SLC27A2: variants seen among roughly 807,000 people sequenced by gnomAD.
SLC27A2 encodes the protein solute carrier family 27 member 2.
In SLC27A2, 54 loss-of-function variants were observed where a neutral mutation model predicts 60.0. The observed-to-expected ratio is 0.90, with a 90% CI of 0.72 to 1.13. The LOEUF is 1.13. Among genes scored for constraint, SLC27A2 ranks in the 50% most tolerant of loss-of-function variants. The pLI is 0.00. For synonymous variants in SLC27A2, 297 were observed against 297.6 expected (o/e 1.00, Z 0.02); for missense variants, 739 against 777.6 (o/e 0.95, Z 0.59).
At chr15:50,219,432 C>CT (rs1430198166) in intron 4 of SLC27A2, among the ~76,000 whole-genome samples, 2 of 151,362 alleles carry the variant, frequency 1.3e-5, no homozygotes, top group Admixed American at 1.3e-4. Flanking sequence ...GCTTTTTTTC[C>CT]TTTTTTCTTT....
At position 50,229,065 on chromosome 15, in the gene SLC27A2, A is replaced by T. The variant is rs1274844906; in HGVS notation, c.1555+23A>T. The T allele has an allele frequency of 8.4e-6, 12 of 1,437,060 alleles. No homozygotes were observed. In the South Asian group the frequency reaches 1.3e-4, roughly 15 times the overall value. The allele number at this position is 1,437,060 out of a possible 1,614,324, so 89.0% of individuals were successfully genotyped here. A position where few individuals can be genotyped will look rare whatever the true frequency, so the allele number is the denominator to read the frequency against. On this transcript the variant is annotated intron_variant, in intron 8 of 9. Coordinates refer to ENST00000267842, the MANE Select transcript of SLC27A2 (RefSeq NM_003645.4). ...CAGGTATATACAAGATATGATCTGT[A>T]CCTAACCCATAGAGTAACTGAACAT... is the stretch of plus-strand genomic sequence containing the variant.
intron 1 of SLC27A2, among the ~76,000 whole-genome samples, chr15:50,188,319 C>T (rs909777213): frequency 5.3e-5 from 8 of 151,966 alleles, no homozygotes; most frequent in East Asian, 1.9e-4. Flanking sequence ...AAGGATATTG[C>T]GATGTAAGAA....
rs981546320 is a variant in SLC27A2, at chr15:50,182,378, C to T, written c.-50C>T. On this transcript the variant is annotated 5_prime_UTR_variant, in exon 1 of 10. Coordinates refer to ENST00000267842, the MANE Select transcript of SLC27A2 (RefSeq NM_003645.4). ...GCCCGCCCAGTCGCCGCGCTGCACG[C>T]CCGGGGTGAACCCTCTGCCCTCGCT... 1 of 1,476,352 alleles carries T rather than the reference C, an allele frequency of 6.8e-7. No individual in the cohort carries two copies. Among genetic ancestry groups the T allele is most frequent in the Non-Finnish European group, 9.0e-7 (1 of 1,115,646 alleles). The allele number at this position is 1,476,352 out of a possible 1,614,324, so 91.5% of individuals were successfully genotyped here.
chr15:50,218,188 A>G lies in SLC27A2; in HGVS notation c.973-4777A>G, dbSNP rs572513620. Among the ~76,000 whole-genome samples the G allele has an allele frequency of 9.2e-5, 14 of 152,268 alleles. 1 individual carries two copies. The East Asian group carries it at 2.5e-3, about 27-fold the overall frequency. ...TAGTGTACTGTTTTAAAAGAAAAAA[A>G]GAATCAGACTTGAAAACTAAAATGA... On this transcript the variant is annotated intron_variant, in intron 4 of 9. Transcript: ENST00000267842.
At chr15:50,196,464 A>C (rs1037549680) in intron 1 of SLC27A2, among the ~76,000 whole-genome samples, 1 of 152,090 alleles carries the variant, frequency 6.6e-6, no homozygotes, top group Non-Finnish European at 1.5e-5. Flanking sequence ...GGAGCTCTAT[A>C]ACATTTATTG....
In SLC27A2 at chr15:50,216,610, GTATATATATATATATATATATATATATA is replaced by G. The variant is rs59683706; in HGVS notation, c.973-6336_973-6309del. On this transcript the variant is annotated intron_variant, in intron 4 of 9. Coordinates refer to ENST00000267842, the MANE Select transcript of SLC27A2 (RefSeq NM_003645.4). ...AAGAAACTGTGGTGTGTGTGTGTGTGTATATATATATATATATATATATATATATATATATATATATATATAGTATAGT... is the reference window on the plus strand; with the variant it reads ...AAGAAACTGTGGTGTGTGTGTGTGTGTATATATATATATATATAGTATAGT... Among the ~76,000 whole-genome samples, 20 of 66,484 alleles carry G rather than the reference GTATATATATATATATATATATATATATA, an allele frequency of 3.0e-4. 1 individual carries two copies. The highest frequency in any genetic ancestry group is 1.3e-3 in the Admixed American group (7 of 5,382). 43.6% of individuals were successfully genotyped at this position (66,484 alleles called of 152,430 possible). A position where few individuals can be genotyped will look rare whatever the true frequency, so the allele number is the denominator to read the frequency against.
chr15:50,182,604 C>G lies in SLC27A2; in HGVS notation c.177C>G (p.Phe59Leu), dbSNP rs141946591. The G allele has an allele frequency of 1.5e-5, 24 of 1,613,602 alleles. No individual in the cohort carries two copies. The highest frequency in any genetic ancestry group is 1.9e-5 in the Non-Finnish European group (22 of 1,179,778). ...CGGCGCGCACCATCCTGCGGGCGTT[C>G]CTGGAGAAAGCGCGCCAGACGCCAC... ...RRPARTILRA[F>L]LEKARQTPHK... The change falls in exon 1 of 10, where the codon TTC becomes TTG. Residue 59 changes from phenylalanine to leucine, a missense_variant. Coordinates refer to ENST00000267842, the MANE Select transcript of SLC27A2 (RefSeq NM_003645.4).
At chr15:50,220,219 A>C (rs954814463) in intron 4 of SLC27A2, among the ~76,000 whole-genome samples, 2 of 152,204 alleles carry the variant, frequency 1.3e-5, no homozygotes, top group African/African-American at 4.8e-5. Context: ...GAGGCTGGTC[A>C]GCTTCCCACA....
At chr15:50,234,758 A>T (rs2045339295) in intron 9 of SLC27A2, among the ~76,000 whole-genome samples, 1 of 150,808 alleles carries the variant, frequency 6.6e-6, no homozygotes, top group Non-Finnish European at 1.5e-5. Context: ...GGCCCAGTCT[A>T]AAAAAAAATA....
chr15:50,221,395 C>T (rs968179904), intron 4 of SLC27A2, among the ~76,000 whole-genome samples: 1 of 152,100 alleles, frequency 6.6e-6, no homozygotes, highest in Non-Finnish European at 1.5e-5. Flanking sequence ...CACCAGTGAC[C>T]AGCATCAGTC....
intron 9 of SLC27A2, among the ~76,000 whole-genome samples, chr15:50,234,840 C>A (rs1265832325): frequency 2.6e-5 from 4 of 152,162 alleles, no homozygotes; most frequent in Non-Finnish European, 5.9e-5. Context: ...GTTCATTCAG[C>A]AAGAGACTTA....
intron 5 of SLC27A2, among the ~76,000 whole-genome samples, chr15:50,225,140 A>G (rs1385336211): frequency 6.6e-6 from 1 of 152,250 alleles, no homozygotes. Flanking sequence ...TTTTTTAACA[A>G]GTACTAGCTG....
At chr15:50,223,790 G>A (rs948384886) in intron 5 of SLC27A2, among the ~76,000 whole-genome samples, 3 of 152,184 alleles carry the variant, frequency 2.0e-5, no homozygotes, top group Non-Finnish European at 4.4e-5. Context: ...CAACAATTCT[G>A]CAAATATCCA....
intron 1 of SLC27A2, among the ~76,000 whole-genome samples, chr15:50,193,486 A>G (rs558635710): frequency 5.3e-5 from 8 of 152,306 alleles, no homozygotes; most frequent in African/African-American, 1.9e-4. Flanking sequence ...TAACTTATGA[A>G]CGGATTGTTT....
chr15:50,207,517 C>T (rs911081958), intron 4 of SLC27A2, among the ~76,000 whole-genome samples: 4 of 151,934 alleles, frequency 2.6e-5, no homozygotes, highest in Non-Finnish European at 5.9e-5. Flanking sequence ...AGTCCAGGCA[C>T]GGTGGCTCAT....
chr15:50,229,285 C>G (rs904568006), intron 8 of SLC27A2, among the ~76,000 whole-genome samples: 1 of 152,192 alleles, frequency 6.6e-6, no homozygotes, highest in Non-Finnish European at 1.5e-5. Context: ...CAAACAAAGT[C>G]TCAAATATGG....
intron 4 of SLC27A2, among the ~76,000 whole-genome samples, chr15:50,208,897 G>A (rs2045133733): frequency 6.6e-6 from 1 of 152,152 alleles, no homozygotes; most frequent in Admixed American, 6.5e-5. Flanking sequence ...TTCGGTTTTT[G>A]TAGTTGCCTA....
intron 1 of SLC27A2, among the ~76,000 whole-genome samples, chr15:50,192,072 A>C (rs1183999303): frequency 6.6e-6 from 1 of 152,058 alleles, no homozygotes; most frequent in Non-Finnish European, 1.5e-5. Context: ...AAAAAAAAAA[A>C]AGAAAAAAGA....
intron 1 of SLC27A2, among the ~76,000 whole-genome samples, chr15:50,183,876 C>T (rs1171314492): frequency 2.0e-5 from 3 of 151,694 alleles, no homozygotes; most frequent in South Asian, 2.1e-4. Flanking sequence ...TTTATTACCC[C>T]GGGAGATAAC....
Sources: allele counts gnomAD v4.1 joint callset (sites outside exome capture counted in the v4.1 genomes callset), GRCh38; gene constraint gnomAD v4.1.1; transcripts MANE v1.5; gene names NCBI Gene and HGNC (gene_info 2026-07-23, HGNC 2026-07-21).